Variants in LTAP1 observed in about 807,000 individuals in gnomAD.
LTAP1 encodes HCV NS5A-transactivated protein 4.
chr1:154,212,554 C>T, the LTAP1 span: 3 of 1,614,068 alleles, frequency 1.9e-6, no homozygotes, highest in Non-Finnish European at 1.7e-6. Flanking sequence ...TTCGCAGATC[C>T]AGCAGGTAGG....
At chr1:154,211,429 T>TG in the LTAP1 span, among the ~76,000 whole-genome samples, 1 of 131,240 alleles carries the variant, frequency 7.6e-6, no homozygotes, top group Non-Finnish European at 1.6e-5. Flanking sequence ...CTCTGCCTCC[T>TG]GGGGTCAAGC....
the LTAP1 span, chr1:154,212,276 A>G: frequency 6.2e-7 from 1 of 1,600,186 alleles, no homozygotes; most frequent in Non-Finnish European, 8.6e-7. Flanking sequence ...ACAGTCCAAC[A>G]CTACTGTACC....
the LTAP1 span, chr1:154,212,559 G>A: frequency 1.2e-6 from 2 of 1,614,100 alleles, no homozygotes; most frequent in South Asian, 1.1e-5. Flanking sequence ...AGATCCAGCA[G>A]GTAGGAGCGG....
the LTAP1 span, among the ~76,000 whole-genome samples, chr1:154,217,430 C>G: frequency 6.6e-6 from 1 of 152,190 alleles, no homozygotes; most frequent in Admixed American, 6.5e-5. Flanking sequence ...ACATGATGTA[C>G]TCTTTTACAG....
chr1:154,215,517 G>A, the LTAP1 span, among the ~76,000 whole-genome samples: 3 of 149,536 alleles, frequency 2.0e-5, no homozygotes, highest in Admixed American at 2.0e-4. Flanking sequence ...AGTGAGCCGA[G>A]ATTGCGCCAC....
the LTAP1 span, among the ~76,000 whole-genome samples, chr1:154,217,313 T>C: frequency 2.0e-5 from 3 of 152,222 alleles, no homozygotes; most frequent in Non-Finnish European, 2.9e-5. Context: ...ATTTTATGTA[T>C]ATAAATTGAT....
At chr1:154,209,425 T>C in the LTAP1 span, among the ~76,000 whole-genome samples, 1 of 30,580 alleles carries the variant, frequency 3.3e-5, no homozygotes, top group African/African-American at 8.6e-5. Flanking sequence ...TCTAAGCAGT[T>C]TTTTTTTTTT....
the LTAP1 span, among the ~76,000 whole-genome samples, chr1:154,214,211 G>A: frequency 6.6e-6 from 1 of 152,108 alleles, no homozygotes; most frequent in Non-Finnish European, 1.5e-5. Context: ...AGGGGGTGGA[G>A]GTTGCAGTGA....
At chr1:154,213,945 A>ACTTTGATTTC in the LTAP1 span, 1 of 1,612,490 alleles carries the variant, frequency 6.2e-7, no homozygotes, top group South Asian at 1.1e-5. Context: ...AGTTGTAGCA[A>ACTTTGATTTC]CCTGTTGAGG....
the LTAP1 span, among the ~76,000 whole-genome samples, chr1:154,211,014 T>A: frequency 3.0e-4 from 45 of 152,148 alleles, no homozygotes; most frequent in South Asian, 1.7e-3. Context: ...TTTTAATTTT[T>A]ATTTTTTTTT....
the LTAP1 span, among the ~76,000 whole-genome samples, chr1:154,215,621 T>C: frequency 6.6e-6 from 1 of 151,862 alleles, no homozygotes; most frequent in African/African-American, 2.4e-5. Flanking sequence ...CAGCAACTAC[T>C]ATTTTCAGTT....
the LTAP1 span, chr1:154,212,572 A>G: frequency 3.1e-6 from 5 of 1,614,218 alleles, no homozygotes; most frequent in Non-Finnish European, 4.2e-6. Context: ...AGGAGCGGAA[A>G]TTCTTGCCCA....
At chr1:154,217,371 T>A in the LTAP1 span, among the ~76,000 whole-genome samples, 3,382 of 152,288 alleles carry the variant, frequency 0.022, 80 homozygotes, top group Non-Finnish European at 0.037. Context: ...TCAATCAAAG[T>A]AAAGAATATT....
the LTAP1 span, chr1:154,212,337 C>G: frequency 6.2e-7 from 1 of 1,614,200 alleles, no homozygotes. Flanking sequence ...CCAGCTCACT[C>G]AGGGCCTCCT....
At chr1:154,218,744 G>A in the LTAP1 span, among the ~76,000 whole-genome samples, 2 of 151,938 alleles carry the variant, frequency 1.3e-5, no homozygotes, top group South Asian at 4.2e-4. Flanking sequence ...TTATAGTCGT[G>A]AACAAAACTG....
chr1:154,215,558 G>A, the LTAP1 span, among the ~76,000 whole-genome samples: 3 of 142,594 alleles, frequency 2.1e-5, no homozygotes, highest in Admixed American at 7.1e-5. Context: ...AGAGTGAGAC[G>A]TCTCCAAAAA....
chr1:154,217,769 C>G, the LTAP1 span, among the ~76,000 whole-genome samples: 1 of 152,080 alleles, frequency 6.6e-6, no homozygotes, highest in Non-Finnish European at 1.5e-5. Context: ...CTCGGCCTCC[C>G]TAAGTGCTGG....
the LTAP1 span, chr1:154,219,690 C>T: frequency 4.7e-6 from 3 of 637,050 alleles, no homozygotes; most frequent in South Asian, 4.3e-5. Context: ...CCAAAGCGCA[C>T]AGTGCCTGCT....
the LTAP1 span, chr1:154,219,811 T>A: frequency 5.9e-6 from 9 of 1,517,438 alleles, no homozygotes; most frequent in East Asian, 9.0e-5. Context: ...GAGAAGTATG[T>A]TTAACTTGTG....
Sources: allele counts gnomAD v4.1 joint callset (sites outside exome capture counted in the v4.1 genomes callset), GRCh38; gene constraint gnomAD v4.1.1; transcripts MANE v1.5; gene names NCBI Gene and HGNC (gene_info 2026-07-23, HGNC 2026-07-21).